DYNC2I2: variants seen among roughly 807,000 people sequenced by gnomAD.
DYNC2I2 encodes the protein cytoplasmic dynein 2 intermediate chain 2.
DYNC2I2 carries 39 observed loss-of-function variants against 52.0 expected under a neutral mutation model. That is an observed-to-expected ratio of 0.75 (90% confidence interval 0.58 to 0.98). DYNC2I2 has a LOEUF of 0.98. Among genes scored for constraint, DYNC2I2 ranks in the 50% least tolerant of loss-of-function variants. The probability of loss-of-function intolerance (pLI) is 0.00; values close to 1 mark genes in which losing one functional copy is unlikely to be tolerated. For missense variants in DYNC2I2, 743 were observed against 728.4 expected (o/e 1.02, Z -0.23); for synonymous variants, 359 against 321.1 (o/e 1.12, Z -1.26).
chr9:128,667,772 T>C, the DYNC2I2 span, among the ~76,000 whole-genome samples: 48 of 148,220 alleles, frequency 3.2e-4, 1 homozygote, highest in East Asian at 1.2e-3. Flanking sequence ...CTCACCCTGT[T>C]GCCAGGCTGG....
the DYNC2I2 span, among the ~76,000 whole-genome samples, chr9:128,665,595 C>T: frequency 1.3e-5 from 2 of 151,626 alleles, no homozygotes; most frequent in African/African-American, 2.4e-5. Context: ...TATGGTGAAA[C>T]GCTGTCCCTA....
chr9:128,666,214 A>G, the DYNC2I2 span, among the ~76,000 whole-genome samples: 3 of 151,024 alleles, frequency 2.0e-5, no homozygotes, highest in East Asian at 3.9e-4. Context: ...CATCTCTACT[A>G]AAAATACAAA....
intron 2 of DYNC2I2, 21 bp downstream of exon 2, chr9:128,640,670 C>A (rs377493794): frequency 3.9e-5 from 62 of 1,606,382 alleles, no homozygotes; most frequent in Admixed American, 6.7e-5. Flanking sequence ...CGACCCGAGG[C>A]TGCACCAGCC....
At chr9:128,677,029 T>C in the DYNC2I2 span, among the ~76,000 whole-genome samples, 3 of 151,634 alleles carry the variant, frequency 2.0e-5, no homozygotes, top group Admixed American at 1.3e-4. Flanking sequence ...TTTGTATTTT[T>C]AGTAGAGATG....
chr9:128,656,800 C>G lies in DYNC2I2; in HGVS notation c.-74G>C. The stretch of plus-strand genomic sequence containing the variant: ...CCCCTACGCCGCCATGAGCGGAAAA[C>G]GGGGAATGTGAGGCTGACGGCGCCA... On this transcript the variant is annotated 5_prime_UTR_variant, in exon 1 of 9. Transcript: ENST00000372715. The G allele has an allele frequency of 6.1e-6, 8 of 1,302,474 alleles. No homozygotes were observed. The highest frequency in any genetic ancestry group is 7.8e-6 in the Non-Finnish European group (8 of 1,020,298). 80.7% of individuals were successfully genotyped at this position (1,302,474 alleles called of 1,614,324 possible).
At chr9:128,641,972 T>C (rs1023928134) in intron 1 of DYNC2I2, among the ~76,000 whole-genome samples, 108 of 141,042 alleles carry the variant, frequency 7.7e-4, no homozygotes, top group African/African-American at 2.9e-3. Context: ...TTCATTTATA[T>C]ACATACACAC....
the DYNC2I2 span, among the ~76,000 whole-genome samples, chr9:128,665,508 A>C: frequency 1.3e-5 from 2 of 152,030 alleles, no homozygotes; most frequent in African/African-American, 2.4e-5. Context: ...GGTGGTTCAC[A>C]CCTGTAATTC....
chr9:128,675,852 G>A, the DYNC2I2 span, among the ~76,000 whole-genome samples: 7 of 152,038 alleles, frequency 4.6e-5, no homozygotes, highest in African/African-American at 1.4e-4. Flanking sequence ...GCCTAGTAAC[G>A]CCCCTGGGAG....
chr9:128,663,589 G>T, the DYNC2I2 span: 2 of 149,272 alleles, frequency 1.3e-5, no homozygotes, highest in Non-Finnish European at 3.0e-5. Flanking sequence ...GCAAGTAGAT[G>T]TATTTGTTCC....
chr9:128,644,531 T>C (rs948907036), intron 1 of DYNC2I2, among the ~76,000 whole-genome samples: 1 of 152,114 alleles, frequency 6.6e-6, no homozygotes. Flanking sequence ...CTCCCTCCTC[T>C]GCCTCCCAAA....
chr9:128,673,754 C>T, the DYNC2I2 span, among the ~76,000 whole-genome samples: 36 of 151,794 alleles, frequency 2.4e-4, no homozygotes, highest in African/African-American at 8.5e-4. Context: ...GATCCGCCCC[C>T]CTAGGCCTCC....
intron 1 of DYNC2I2, among the ~76,000 whole-genome samples, chr9:128,655,752 T>G (rs1432874569): frequency 7.3e-6 from 1 of 137,770 alleles, no homozygotes; most frequent in Non-Finnish European, 1.6e-5. Context: ...TACTAAAAAA[T>G]ACAAAAAAAT....
the DYNC2I2 span, among the ~76,000 whole-genome samples, chr9:128,668,375 G>A: frequency 6.7e-6 from 1 of 149,876 alleles, no homozygotes; most frequent in Admixed American, 6.7e-5. Context: ...ATTTTTAGTA[G>A]AGACGGGTTT....
chr9:128,635,731 A>C lies in DYNC2I2; in HGVS notation c.740T>G (p.Leu247Arg). 6.2e-7 allele frequency: 1 copy of C among 1,613,048 alleles called. No homozygotes were observed. Among genetic ancestry groups the C allele is most frequent in the South Asian group, 1.1e-5 (1 of 90,848 alleles). ...LYSGEVLVWD[L>R]SRLEDPLLWR... ...CAGCAGCGGGTCCTCAAGACGGCTC[A>C]GGTCCCACACCAACACCTCACCACT... is the stretch of plus-strand genomic sequence containing the variant. Residue 247 changes from leucine (L) to arginine (R), a missense_variant, in exon 5 of 9, where the codon CTG (leucine) becomes CGG (arginine). Physicochemically the swap from Leu to Arg is moderately radical, Grantham distance 102 (BLOSUM62 -2). Transcript: ENST00000372715.
In DYNC2I2 at chr9:128,656,591, C is replaced by T; in HGVS notation, c.136G>A (p.Ala46Thr). 6.7e-7 allele frequency: 1 copy of T among 1,487,324 alleles called. No individual in the cohort carries two copies. The highest frequency in any genetic ancestry group is 8.9e-7 in the Non-Finnish European group (1 of 1,126,870). The allele number at this position is 1,487,324 out of a possible 1,614,324, so 92.1% of individuals were successfully genotyped here. ...GCCCTCCACTGCGAGGGCACGGACG[C>T]CACACCCAGGGTCTCGTCCTGCAGC... ...GPLQDETLGV[A>T]SVPSQWRAVQ... Residue 46 changes from alanine (A) to threonine (T), a missense_variant, in exon 1 of 9, where the codon GCG (alanine) becomes ACG (threonine). Ala to Thr is a moderately conservative substitution (Grantham distance 58). Transcript: ENST00000372715.
intron 1 of DYNC2I2, among the ~76,000 whole-genome samples, chr9:128,641,305 G>A (rs1192133507): frequency 2.0e-5 from 3 of 152,068 alleles, no homozygotes; most frequent in Non-Finnish European, 4.4e-5. Flanking sequence ...TCGGCTCACA[G>A]CAGCACCCTG....
the DYNC2I2 span, among the ~76,000 whole-genome samples, chr9:128,662,919 C>T: frequency 0.73 from 110,371 of 151,436 alleles, 43,351 homozygotes; most frequent in Non-Finnish European, 0.89. Context: ...TTTCTCATGT[C>T]TCAGTCTCCT....
chr9:128,683,977 T>C, the DYNC2I2 span: 1 of 1,556,250 alleles, frequency 6.4e-7, no homozygotes. Context: ...GGAGGAGACA[T>C]CGGCCTCTGC....
the DYNC2I2 span, among the ~76,000 whole-genome samples, chr9:128,665,769 CAAA>C: frequency 2.5e-4 from 18 of 72,138 alleles, no homozygotes; most frequent in Admixed American, 3.3e-4. Context: ...GACTCTGTGT[CAAA>C]AAAAAAAAAA....
Sources: allele counts gnomAD v4.1 joint callset (sites outside exome capture counted in the v4.1 genomes callset), GRCh38; gene constraint gnomAD v4.1.1; transcripts MANE v1.5; gene names NCBI Gene and HGNC (gene_info 2026-07-23, HGNC 2026-07-21).